The following NBAS variants were observed in gnomAD, a reference collection of about 807,000 sequenced individuals.
NBAS encodes NBAS subunit of NRZ tethering complex.
A neutral mutation model predicts 302.5 loss-of-function variants in NBAS; 219 were observed. That is an observed-to-expected ratio of 0.72 (90% CI 0.65 to 0.81). The LOEUF (loss-of-function observed/expected upper bound fraction) is 0.81, where lower values mean the gene tolerates loss of function less well. Ranked by LOEUF, NBAS falls within the 30% of genes least tolerant of loss-of-function variation. The pLI is 0.00. For synonymous variants in NBAS, 1,118 were observed against 1,021.6 expected (o/e 1.09, Z -1.80); for missense variants, 2,932 against 2,841.6 (o/e 1.03, Z -0.72).
chr2:14,951,938 A>T, the NBAS span, among the ~76,000 whole-genome samples: 1 of 152,078 alleles, frequency 6.6e-6, no homozygotes, highest in African/African-American at 2.4e-5. Context: ...CATATTCTAG[A>T]TGTCCATGGA....
At chr2:14,988,624 A>G in the NBAS span, among the ~76,000 whole-genome samples, 3 of 152,238 alleles carry the variant, frequency 2.0e-5, no homozygotes, top group African/African-American at 7.2e-5. Context: ...CAAGCCAAAA[A>G]TATCAGAAAA....
intron 7 of NBAS, among the ~76,000 whole-genome samples, chr2:15,538,771 T>C (rs1426150182): frequency 1.3e-5 from 2 of 152,228 alleles, no homozygotes; most frequent in Non-Finnish European, 2.9e-5. Flanking sequence ...AAAGGGCTGT[T>C]ATGAATATAA....
chr2:15,519,298 C>T (rs774812930), intron 9 of NBAS, among the ~76,000 whole-genome samples: 2 of 152,178 alleles, frequency 1.3e-5, no homozygotes, highest in Non-Finnish European at 2.9e-5. Flanking sequence ...GTATCACATA[C>T]GGTGTGCCGG....
chr2:15,261,982 G>A (rs1668873488), intron 44 of NBAS, among the ~76,000 whole-genome samples: 1 of 152,078 alleles, frequency 6.6e-6, no homozygotes. Flanking sequence ...AACTACTCAG[G>A]ATCATGCAAA....
At chr2:15,397,700 T>C (rs1265646827) in intron 26 of NBAS, 6 of 480,210 alleles carry the variant, frequency 1.2e-5, no homozygotes, top group Non-Finnish European at 1.9e-5. Context: ...GGGCACACAT[T>C]GGGCACAGTT....
At chr2:14,829,944 C>A in the NBAS span, among the ~76,000 whole-genome samples, 2 of 152,186 alleles carry the variant, frequency 1.3e-5, no homozygotes, top group African/African-American at 4.8e-5. Context: ...GGTTAAATTT[C>A]TTTCAGTTGC....
the NBAS span, among the ~76,000 whole-genome samples, chr2:15,094,070 C>T: frequency 0.073 from 11,065 of 152,190 alleles, 588 homozygotes; most frequent in Non-Finnish European, 0.12. Context: ...ACCTGTGGAG[C>T]CTTCGTTTCT....
the NBAS span, among the ~76,000 whole-genome samples, chr2:14,864,280 C>T: frequency 6.9e-6 from 1 of 145,690 alleles, no homozygotes; most frequent in African/African-American, 2.6e-5. Flanking sequence ...GAGATTGCAT[C>T]ACTGCACTCC....
At chr2:14,835,774 C>G in the NBAS span, among the ~76,000 whole-genome samples, 1 of 151,884 alleles carries the variant, frequency 6.6e-6, no homozygotes, top group African/African-American at 2.4e-5. Flanking sequence ...ATGAATAAAG[C>G]TGTTACAAAA....
At chr2:15,301,143 T>C (rs921894707) in intron 40 of NBAS, among the ~76,000 whole-genome samples, 1 of 152,132 alleles carries the variant, frequency 6.6e-6, no homozygotes, top group Non-Finnish European at 1.5e-5. Flanking sequence ...AGATCACTCA[T>C]GTCTGAAAAA....
At chr2:15,225,478 T>C (rs1053465853) in intron 47 of NBAS, among the ~76,000 whole-genome samples, 2 of 152,120 alleles carry the variant, frequency 1.3e-5, no homozygotes, top group African/African-American at 2.4e-5. Flanking sequence ...AAAATCAGAT[T>C]CAATTTGCTC....
At chr2:15,416,980 C>T (rs377273903) in intron 24 of NBAS, among the ~76,000 whole-genome samples, 25 of 152,134 alleles carry the variant, frequency 1.6e-4, no homozygotes, top group Admixed American at 1.4e-3. Context: ...CTAGAAAGAG[C>T]GTTGGCAGCT....
chr2:15,515,780 T>TA (rs200618801), intron 9 of NBAS, among the ~76,000 whole-genome samples: 6 of 151,046 alleles, frequency 4.0e-5, no homozygotes, highest in East Asian at 3.9e-4. Flanking sequence ...CCATGTAACT[T>TA]AAAAAAAAAG....
At chr2:15,222,996 A>C (rs1667013424) in intron 47 of NBAS, among the ~76,000 whole-genome samples, 1 of 152,254 alleles carries the variant, frequency 6.6e-6, no homozygotes, top group Non-Finnish European at 1.5e-5. Flanking sequence ...TAAAATTATG[A>C]GAAGTCCTTC....
intron 31 of NBAS, 125 bp downstream of exon 31, chr2:15,374,483 G>A: frequency 1.2e-6 from 1 of 804,672 alleles, no homozygotes; most frequent in Non-Finnish European, 2.2e-6. Flanking sequence ...TGGGTCAAGG[G>A]CAGGATCTAT....
intron 38 of NBAS, among the ~76,000 whole-genome samples, chr2:15,323,728 AGGAGGCAGTGGTG>A (rs1671928651): frequency 6.6e-6 from 1 of 151,966 alleles, no homozygotes; most frequent in South Asian, 2.1e-4. Flanking sequence ...TCAGCTACTC[AGGAGGCAGTGGTG>A]GGAGGGTCAC....
At chr2:15,393,754 C>T (rs1490766599) in intron 28 of NBAS, 1 of 469,714 alleles carries the variant, frequency 2.1e-6, no homozygotes, top group East Asian at 7.0e-5. Context: ...CAATGAAATA[C>T]CATTCCGCAA....
chr2:15,144,036 CCTATATATAAAA>C, the NBAS span, among the ~76,000 whole-genome samples: 37 of 80,018 alleles, frequency 4.6e-4, 2 homozygotes, highest in African/African-American at 2.9e-3. Context: ...TATATATTAT[CCTATATATAAAA>C]ATATATATAT....
Position 15,253,921 on chromosome 2 carries a change from A to C in NBAS, c.5725-15235T>G, listed in dbSNP as rs554136896. Among the ~76,000 whole-genome samples the C allele has an allele frequency of 2.0e-5, 3 of 152,292 alleles. 1 individual carries two copies. The South Asian group carries it at 6.2e-4, about 32-fold the overall frequency. Reference sequence around the variant, plus strand: ...CTTCAAGCTGTCAGACATTTAGTTTATAGTTTAAATGATAACAGCCCTTGC... The same window carrying C: ...CTTCAAGCTGTCAGACATTTAGTTTCTAGTTTAAATGATAACAGCCCTTGC... On this transcript the variant is annotated intron_variant, in intron 44 of 51. Transcript: ENST00000281513.
Sources: gnomAD v4.1 joint callset for allele counts (sites outside exome capture counted in the v4.1 genomes callset) on GRCh38, gnomAD v4.1.1 for gene constraint, MANE v1.5 for transcripts, NCBI Gene and HGNC (gene_info 2026-07-23, HGNC 2026-07-21) for gene names.